SLC27A2: variants seen among roughly 807,000 people sequenced by gnomAD.
SLC27A2 encodes solute carrier family 27 member 2, also known as long-chain fatty acid transport protein 2.
A neutral mutation model predicts 60.0 loss-of-function variants in SLC27A2; 54 were observed. The ratio of observed to expected loss-of-function variants is 0.90; its 90% CI spans 0.72 to 1.13. The LOEUF (loss-of-function observed/expected upper bound fraction) is 1.13. Ranked by LOEUF, SLC27A2 falls within the 50% of genes most tolerant of loss-of-function variation. The pLI, the probability that SLC27A2 is intolerant of heterozygous loss-of-function variation, is 0.00. For synonymous variants in SLC27A2, 297 were observed against 297.6 expected (o/e 1.00, Z 0.02); for missense variants, 739 against 777.6 (o/e 0.95, Z 0.59).
At chr15:50,234,544 G>A (rs968950800) in intron 9 of SLC27A2, among the ~76,000 whole-genome samples, 4 of 141,986 alleles carry the variant, frequency 2.8e-5, no homozygotes, top group Non-Finnish European at 4.5e-5. Context: ...CTGGGATCAC[G>A]CCACTGCACT....
chr15:50,190,806 G>A (rs1421171337), intron 1 of SLC27A2, among the ~76,000 whole-genome samples: 6 of 151,850 alleles, frequency 4.0e-5, no homozygotes, highest in Non-Finnish European at 5.9e-5. Flanking sequence ...ATGAAGAACC[G>A]ACTGATGGAG....
intron 1 of SLC27A2, among the ~76,000 whole-genome samples, chr15:50,196,585 G>C (rs1320387054): frequency 2.6e-5 from 4 of 152,146 alleles, no homozygotes; most frequent in African/African-American, 4.8e-5. Flanking sequence ...CGGTAGAACT[G>C]TCAGTAGAAC....
intron 5 of SLC27A2, among the ~76,000 whole-genome samples, chr15:50,224,233 G>A (rs2045263910): frequency 6.6e-6 from 1 of 152,202 alleles, no homozygotes; most frequent in Non-Finnish European, 1.5e-5. Context: ...GAGATCAGGA[G>A]ATCGAGACCA....
chr15:50,223,404 G>T (rs190355857), intron 5 of SLC27A2, among the ~76,000 whole-genome samples: 122 of 152,284 alleles, frequency 8.0e-4, no homozygotes, highest in African/African-American at 2.7e-3. Flanking sequence ...TGCAACTTAG[G>T]TGAAGTCTTC....
intron 8 of SLC27A2, 65 bp downstream of exon 8, chr15:50,229,107 C>T (rs919675654): frequency 2.1e-5 from 23 of 1,080,582 alleles, no homozygotes; most frequent in East Asian, 1.3e-4. Context: ...GGCCTCAAGG[C>T]GAAGTTTGTC....
chr15:50,205,985 T>C (rs903375214), intron 4 of SLC27A2, among the ~76,000 whole-genome samples: 3 of 152,256 alleles, frequency 2.0e-5, no homozygotes, highest in Admixed American at 1.3e-4. Context: ...GCATCTCCAA[T>C]GGCCTTGGAT....
chr15:50,206,500 T>G (rs2045113210), intron 4 of SLC27A2, among the ~76,000 whole-genome samples: 2 of 152,084 alleles, frequency 1.3e-5, no homozygotes, highest in South Asian at 2.1e-4. Context: ...TTCCCCCAGG[T>G]CTCTCTCACC....
chr15:50,213,159 A>G (rs1234697265), intron 4 of SLC27A2, among the ~76,000 whole-genome samples: 1 of 152,198 alleles, frequency 6.6e-6, no homozygotes, highest in Non-Finnish European at 1.5e-5. Flanking sequence ...AGCTATTCCT[A>G]TATCAGACAA....
rs1250678119 is a variant in SLC27A2 at position 50,182,406 on chromosome 15, G to C, written c.-22G>C. On this transcript the variant is annotated 5_prime_UTR_variant, in exon 1 of 10. Coordinates refer to ENST00000267842, the MANE Select transcript of SLC27A2 (RefSeq NM_003645.4). ...GGGGTGAACCCTCTGCCCTCGCTGGGACAGAGGGCCCCGCAGCCGTCATGC... is the reference window on the plus strand; with the variant it reads ...GGGGTGAACCCTCTGCCCTCGCTGGCACAGAGGGCCCCGCAGCCGTCATGC... The C allele has an allele frequency of 1.3e-6, 2 of 1,575,760 alleles. No homozygotes were observed. Among genetic ancestry groups the C allele is most frequent in the Admixed American group, 3.5e-5 (2 of 56,488 alleles).
chr15:50,217,367 G>T (rs774809618), intron 4 of SLC27A2, among the ~76,000 whole-genome samples: 30 of 152,154 alleles, frequency 2.0e-4, no homozygotes, highest in Non-Finnish European at 3.4e-4. Context: ...TTGACTGAAG[G>T]ACCCCAAGAA....
Position 50,236,248 on chromosome 15 carries a change from A to T in SLC27A2, c.*152A>T. The stretch of plus-strand genomic sequence containing the variant: ...GGGAGACTTTTTTAAATAACAGTTG[A>T]GTCTTTGCAAGTAAAAAGATTTAGA... On this transcript the variant is annotated 3_prime_UTR_variant, in exon 10 of 10. Transcript: ENST00000267842. The T allele has an allele frequency of 1.9e-6, 1 of 516,324 alleles. No individual in the cohort carries two copies. Among genetic ancestry groups the T allele is most frequent in the East Asian group, 3.2e-5 (1 of 31,550 alleles). The allele number at this position is 516,324 out of a possible 1,614,324, so 32.0% of individuals were successfully genotyped here.
At chr15:50,202,086 C>T (rs906941103) in intron 2 of SLC27A2, among the ~76,000 whole-genome samples, 2 of 152,158 alleles carry the variant, frequency 1.3e-5, no homozygotes, top group Non-Finnish European at 2.9e-5. Flanking sequence ...ACAGTCATTC[C>T]TCTGTTTCTG....
intron 1 of SLC27A2, among the ~76,000 whole-genome samples, chr15:50,187,236 C>A (rs141361797): frequency 4.6e-5 from 7 of 152,182 alleles, no homozygotes; most frequent in African/African-American, 1.4e-4. Flanking sequence ...ATTTCAGGAT[C>A]GTTCTCCAGG....
At chr15:50,226,798 G>T (rs375401359) in intron 6 of SLC27A2, among the ~76,000 whole-genome samples, 182 bp from the exon 7 acceptor site, 1 of 152,140 alleles carries the variant, frequency 6.6e-6, no homozygotes, top group African/African-American at 2.4e-5. Flanking sequence ...TGTGTGTGTG[G>T]TGTATGTATG....
In SLC27A2 at chr15:50,222,999, C is replaced by A. The variant is rs557098198; in HGVS notation, c.1007C>A (p.Ala336Glu). ...PNDRDHKVRL[A>E]LGNGLRGDVW... ...GACCGTGATCATAAAGTGAGACTGG[C>A]ACTGGGAAATGGCTTACGAGGAGAT... Residue 336 changes from alanine (A) to glutamate (E), a missense_variant, in exon 5 of 10, where the codon GCA (alanine) becomes GAA (glutamate). Coordinates refer to ENST00000267842, the MANE Select transcript of SLC27A2 (RefSeq NM_003645.4). 17 of 1,612,860 alleles carry A rather than the reference C, an allele frequency of 1.1e-5. No individual in the cohort carries two copies. The South Asian group carries it at 1.8e-4, about 17-fold the overall frequency.
chr15:50,228,916 A>T (rs1388087333), intron 7 of SLC27A2, 29 bp from the exon 8 acceptor site: 27 of 1,486,244 alleles, frequency 1.8e-5, no homozygotes, highest in Non-Finnish European at 2.4e-5. Flanking sequence ...ACCACCAGTG[A>T]CCTCTGCTAA....
chr15:50,221,232 A>G (rs1180846704), intron 4 of SLC27A2, among the ~76,000 whole-genome samples: 1 of 151,746 alleles, frequency 6.6e-6, no homozygotes, highest in Non-Finnish European at 1.5e-5. Context: ...ATTCCTACTC[A>G]GTCTGAATGT....
chr15:50,213,336 G>C (rs1007725997), intron 4 of SLC27A2, among the ~76,000 whole-genome samples: 1 of 152,052 alleles, frequency 6.6e-6, no homozygotes, highest in Non-Finnish European at 1.5e-5. Context: ...AAATAAGATA[G>C]ACAGCAACAC....
intron 7 of SLC27A2, among the ~76,000 whole-genome samples, chr15:50,227,767 G>A (rs1477742786): frequency 6.6e-6 from 1 of 152,216 alleles, no homozygotes; most frequent in Non-Finnish European, 1.5e-5. Context: ...GGCAGGCCCT[G>A]TGTCTGCCTG....
Sources: gnomAD v4.1 joint callset for allele counts (sites outside exome capture counted in the v4.1 genomes callset) on GRCh38, gnomAD v4.1.1 for gene constraint, MANE v1.5 for transcripts, NCBI Gene and HGNC (gene_info 2026-07-23, HGNC 2026-07-21) for gene names.